The following GUCY1A2 variants were observed in gnomAD, a reference collection of about 807,000 sequenced individuals.
GUCY1A2 encodes guanylate cyclase 1 soluble subunit alpha 2, also known as guanylate cyclase soluble subunit alpha-2.
In GUCY1A2, 27 loss-of-function variants were observed where a neutral mutation model predicts 63.5. The ratio of observed to expected loss-of-function variants is 0.43; its 90% CI spans 0.31 to 0.59. The LOEUF is 0.59. Among genes scored for constraint, GUCY1A2 ranks in the 20% least tolerant of loss-of-function variants. The probability of loss-of-function intolerance (pLI) is 0.11; values close to 1 mark genes in which losing one functional copy is unlikely to be tolerated. For missense variants in GUCY1A2, 768 were observed against 913.3 expected, an observed-to-expected ratio of 0.84 and a Z score of 2.05; for synonymous variants, 364 against 343.5, an observed-to-expected ratio of 1.06 and a Z score of -0.66.
chr11:106,892,449 G>A (rs1859986987), intron 4 of GUCY1A2, among the ~76,000 whole-genome samples: 1 of 152,014 alleles, frequency 6.6e-6, no homozygotes, highest in South Asian at 2.1e-4. Context: ...AGAAATTATA[G>A]CAGAACTGTT....
At position 106,940,189 on chromosome 11, in the gene GUCY1A2, A is replaced by G. The variant is rs1860734549; in HGVS notation, c.488-11T>C. 7.9e-7 allele frequency: 1 copy of G among 1,259,038 alleles called. No homozygotes were observed. Among genetic ancestry groups the G allele is most frequent in the Non-Finnish European group, 1.1e-6 (1 of 875,648 alleles). 78.0% of individuals were successfully genotyped at this position (1,259,038 alleles called of 1,614,324 possible). A position where few individuals can be genotyped will look rare whatever the true frequency, so the allele number is the denominator to read the frequency against. On this transcript the variant is annotated splice_polypyrimidine_tract_variant and intron_variant, in intron 3 of 7. Coordinates refer to ENST00000526355, the MANE Select transcript of GUCY1A2 (RefSeq NM_000855.3). The stretch of plus-strand genomic sequence containing the variant: ...CCTCAAACTTCAAACCTAGAGGTAA[A>G]TGGGAAGCAAATGTTAGTGAAGTCT...
intron 4 of GUCY1A2, among the ~76,000 whole-genome samples, chr11:106,919,877 T>C (rs1029378196): frequency 2.0e-5 from 3 of 152,114 alleles, no homozygotes; most frequent in African/African-American, 7.2e-5. Context: ...GGAGTTTATC[T>C]ACCAAAAGTA....
At chr11:106,794,196 T>C (rs931201121) in intron 5 of GUCY1A2, among the ~76,000 whole-genome samples, 6 of 152,040 alleles carry the variant, frequency 3.9e-5, no homozygotes, top group African/African-American at 1.2e-4. Context: ...CTGCCATTTG[T>C]GGATGAATCT....
intron 6 of GUCY1A2, among the ~76,000 whole-genome samples, chr11:106,766,718 G>A (rs138044256): frequency 6.6e-6 from 1 of 152,164 alleles, no homozygotes; most frequent in East Asian, 1.9e-4. Flanking sequence ...CTTATGTGTT[G>A]TATCTTGCTA....
chr11:106,827,858 C>G, intron 4 of GUCY1A2: 1 of 1,599,380 alleles, frequency 6.3e-7, no homozygotes, highest in Non-Finnish European at 8.6e-7. Context: ...CCATGAACTT[C>G]CCTGCAGTCA....
chr11:106,734,250 T>C (rs1294393998), intron 6 of GUCY1A2, among the ~76,000 whole-genome samples: 2 of 152,062 alleles, frequency 1.3e-5, no homozygotes, highest in African/African-American at 2.4e-5. Context: ...CTTTGCCCTT[T>C]AGTTACACTG....
intron 6 of GUCY1A2, among the ~76,000 whole-genome samples, chr11:106,764,813 A>C (rs749523602): frequency 3.3e-5 from 5 of 152,018 alleles, no homozygotes; most frequent in Admixed American, 6.6e-5. Context: ...GAAAAAAAGC[A>C]AAGCTTTTTT....
At chr11:106,732,360 A>G (rs1432408172) in intron 6 of GUCY1A2, among the ~76,000 whole-genome samples, 1 of 152,174 alleles carries the variant, frequency 6.6e-6, no homozygotes, top group Admixed American at 6.5e-5. Flanking sequence ...TCCTTACAAA[A>G]ATTAACTAAA....
chr11:106,992,039 G>A (rs917643164), intron 1 of GUCY1A2, among the ~76,000 whole-genome samples: 2 of 152,146 alleles, frequency 1.3e-5, no homozygotes, highest in African/African-American at 4.8e-5. Context: ...GATAAAAAGG[G>A]ACAAAGCCAG....
At chr11:106,977,543 A>C (rs1274075397) in intron 3 of GUCY1A2, among the ~76,000 whole-genome samples, 1 of 152,188 alleles carries the variant, frequency 6.6e-6, no homozygotes, top group African/African-American at 2.4e-5. Flanking sequence ...CTAGGATGAA[A>C]ATGTAGCCAA....
In GUCY1A2 at chr11:106,679,810, T is replaced by C. The variant is rs1332906149; in HGVS notation, c.*7739A>G. On this transcript the variant is annotated 3_prime_UTR_variant, in exon 8 of 8. Coordinates refer to ENST00000526355, the MANE Select transcript of GUCY1A2 (RefSeq NM_000855.3). Reference sequence around the variant, plus strand: ...TGACACTTTCATTTACCTTAATCATTGTAACCAAGACTAGTTCTATCTGCC... The same window carrying C: ...TGACACTTTCATTTACCTTAATCATCGTAACCAAGACTAGTTCTATCTGCC... 2 of 217,874 alleles carry C rather than the reference T, an allele frequency of 9.2e-6. No individual in the cohort carries two copies. Among genetic ancestry groups the C allele is most frequent in the Non-Finnish European group, 1.8e-5 (2 of 108,408 alleles). 13.5% of individuals were successfully genotyped at this position (217,874 alleles called of 1,614,324 possible). A position where few individuals can be genotyped will look rare whatever the true frequency, so the allele number is the denominator to read the frequency against.
chr11:107,015,739 G>A lies in GUCY1A2; in HGVS notation c.303+2014C>T, dbSNP rs147198950. Among the ~76,000 whole-genome samples the A allele has an allele frequency of 5.8e-3, 875 of 152,084 alleles. 8 individuals are homozygous for A. The highest frequency in any genetic ancestry group is 0.02 in the African/African-American group (840 of 41,476). On this transcript the variant is annotated intron_variant, in intron 1 of 7. Transcript: ENST00000526355. Reference sequence around the variant, plus strand: ...TAAGTACTGACACAAGCCTACAGACGCTCGGGGTCATTGGACTCCTGTTGT... The same window carrying A: ...TAAGTACTGACACAAGCCTACAGACACTCGGGGTCATTGGACTCCTGTTGT...
chr11:106,704,404 G>A (rs1427070895), intron 7 of GUCY1A2, among the ~76,000 whole-genome samples: 2 of 152,144 alleles, frequency 1.3e-5, no homozygotes, highest in Non-Finnish European at 2.9e-5. Context: ...AGTTCATGTA[G>A]ACAGGAAAAT....
At chr11:106,926,195 G>A (rs1860518745) in intron 4 of GUCY1A2, among the ~76,000 whole-genome samples, 1 of 152,076 alleles carries the variant, frequency 6.6e-6, no homozygotes, top group African/African-American at 2.4e-5. Context: ...CAAGGTGGGC[G>A]AATCACTTGA....
At chr11:106,900,388 T>A (rs1414806297) in intron 4 of GUCY1A2, among the ~76,000 whole-genome samples, 1 of 152,174 alleles carries the variant, frequency 6.6e-6, no homozygotes, top group Non-Finnish European at 1.5e-5. Flanking sequence ...TTTGCCACTT[T>A]GCCCACGCTG....
At chr11:106,861,767 T>C (rs1260399769) in intron 4 of GUCY1A2, among the ~76,000 whole-genome samples, 1 of 151,994 alleles carries the variant, frequency 6.6e-6, no homozygotes, top group Non-Finnish European at 1.5e-5. Flanking sequence ...AAATCAAATA[T>C]GGGGAAATTA....
At chr11:106,871,598 T>C (rs75155312) in intron 4 of GUCY1A2, among the ~76,000 whole-genome samples, 9 of 152,172 alleles carry the variant, frequency 5.9e-5, no homozygotes, top group Admixed American at 3.3e-4. Context: ...ACCAGTTATA[T>C]TGTATTAAAA....
intron 6 of GUCY1A2, among the ~76,000 whole-genome samples, chr11:106,737,977 T>C (rs1046472160): frequency 2.4e-4 from 37 of 152,212 alleles, no homozygotes; most frequent in African/African-American, 7.7e-4. Flanking sequence ...CCACACTGTC[T>C]TCCACAATGG....
intron 5 of GUCY1A2, among the ~76,000 whole-genome samples, chr11:106,785,581 G>A (rs1864541750): frequency 6.6e-6 from 1 of 151,560 alleles, no homozygotes; most frequent in Non-Finnish European, 1.5e-5. Flanking sequence ...ATGCCCATAA[G>A]AGTTCTATTA....
Sources: gnomAD v4.1 joint callset for allele counts (sites outside exome capture counted in the v4.1 genomes callset) on GRCh38, gnomAD v4.1.1 for gene constraint, MANE v1.5 for transcripts, NCBI Gene and HGNC (gene_info 2026-07-23, HGNC 2026-07-21) for gene names.